Variants in PLA2G6 observed in about 807,000 individuals in gnomAD.
The protein encoded by PLA2G6 is 85/88 kDa calcium-independent phospholipase A2.
In PLA2G6, 62 loss-of-function variants were observed where a neutral mutation model predicts 83.8. The ratio of observed to expected loss-of-function variants is 0.74; its 90% CI spans 0.60 to 0.91. PLA2G6 has a LOEUF of 0.91. Ranked by LOEUF, PLA2G6 falls within the 40% of genes least tolerant of loss-of-function variation. The pLI, the probability that PLA2G6 is intolerant of heterozygous loss-of-function variation, is 0.00. For synonymous variants in PLA2G6, 417 were observed against 449.8 expected, an observed-to-expected ratio of 0.93 and a Z score of 0.92; for missense variants, 944 against 1,102.0, an observed-to-expected ratio of 0.86 and a Z score of 2.03.
At chr22:38,178,130 C>A (rs552003535) in intron 1 of PLA2G6, among the ~76,000 whole-genome samples, 13 of 152,262 alleles carry the variant, frequency 8.5e-5, no homozygotes, top group South Asian at 2.1e-4. Context: ...CACTGGAGCT[C>A]CCAAGCACAT....
At chr22:38,143,786 C>T (rs980959262) in intron 3 of PLA2G6, 1 of 287,940 alleles carries the variant, frequency 3.5e-6, no homozygotes. Context: ...TCTTGTTGCC[C>T]AGGCTGTAAT....
At chr22:38,151,147 A>ATAAGGT (rs2089539111) in intron 2 of PLA2G6, among the ~76,000 whole-genome samples, 2 of 152,234 alleles carry the variant, frequency 1.3e-5, no homozygotes, top group Admixed American at 6.5e-5. Context: ...ACCTTCAAGA[A>ATAAGGT]TAAGGTTAAA....
intron 6 of PLA2G6, chr22:38,133,432 G>C (rs542912560): frequency 4.5e-6 from 1 of 220,204 alleles, no homozygotes; most frequent in African/African-American, 2.3e-5. Flanking sequence ...AGGGGAGCCT[G>C]GCTTTGGAGT....
chr22:38,122,113 C>T lies in PLA2G6; in HGVS notation c.1591+982G>A, dbSNP rs954756577. Reference sequence around the variant, plus strand: ...CAGCACCTCCTGGACTGGCTGAGCCCCCTGCTCCTGAGGCTGGGGTATGCC... The same window carrying T: ...CAGCACCTCCTGGACTGGCTGAGCCTCCTGCTCCTGAGGCTGGGGTATGCC... On this transcript the variant is annotated intron_variant, in intron 11 of 16. Transcript: ENST00000332509. Among the ~76,000 whole-genome samples, 17 of 152,198 alleles carry T rather than the reference C, an allele frequency of 1.1e-4. No homozygotes were observed. In the East Asian group the frequency reaches 3.1e-3, roughly 28 times the overall value.
chr22:38,121,673 G>C (rs960226696), intron 11 of PLA2G6, among the ~76,000 whole-genome samples: 10 of 152,210 alleles, frequency 6.6e-5, no homozygotes, highest in Non-Finnish European at 1.0e-4. Flanking sequence ...CGGAGGATCA[G>C]CCAGGAGACC....
At position 38,128,501 on chromosome 22, in the gene PLA2G6, C is replaced by T. The variant is rs1259669771; in HGVS notation, c.1187-71G>A. The T allele has an allele frequency of 2.0e-6, 3 of 1,519,620 alleles. No individual in the cohort carries two copies. Among genetic ancestry groups the T allele is most frequent in the African/African-American group, 2.7e-5 (2 of 72,820 alleles). The allele number at this position is 1,519,620 out of a possible 1,614,324, so 94.1% of individuals were successfully genotyped here. On this transcript the variant is annotated intron_variant, in intron 8 of 16. Transcript: ENST00000332509. The surrounding 1 kb of genome is among the most constrained non-coding windows in gnomAD (Gnocchi z 4.4). ...ATGTCAACATGCAAAGGAGAGGCCC[C>T]TCCTTTCCACACTCCGTCCCCTGTC...
Position 38,145,637 on chromosome 22 carries a change from A to C in PLA2G6, c.226T>G (p.Leu76Val), listed in dbSNP as rs201134327. 1 of 1,612,096 alleles carries C rather than the reference A, an allele frequency of 6.2e-7. No individual in the cohort carries two copies. Among genetic ancestry groups the C allele is most frequent in the Admixed American group, 1.7e-5 (1 of 59,770 alleles). The change falls in exon 3 of 17, where the codon TTG becomes GTG. Residue 76 changes from leucine to valine, a missense_variant. Coordinates refer to ENST00000332509, the MANE Select transcript of PLA2G6 (RefSeq NM_003560.4). The stretch of plus-strand genomic sequence containing the variant: ...AAATTCACTAGGGCGTCAGCCTCCA[A>C]CTCCAGCTGGAAGAGTCTGTAGAGC... ...QSGFRLFQLE[L>V]EADALVNFHQ...
At chr22:38,158,467 C>T (rs563683580) in intron 2 of PLA2G6, among the ~76,000 whole-genome samples, 19 of 152,252 alleles carry the variant, frequency 1.2e-4, no homozygotes, top group East Asian at 1.9e-4. Context: ...CACTGCAACC[C>T]GCCACGTCAA....
intron 2 of PLA2G6, among the ~76,000 whole-genome samples, chr22:38,162,208 CAAAAAAAAAAAAAAGA>C (rs1421426324): frequency 1.3e-3 from 96 of 74,534 alleles, no homozygotes; most frequent in Non-Finnish European, 1.6e-3. Context: ...GACTCTGTGT[CAAAAAAAAAAAAAAGA>C]AAAAAAAAAA....
In PLA2G6 at chr22:38,129,530, G is replaced by A. The variant is rs767889564; in HGVS notation, c.1110C>T (p.Ile370=). ...GGGTGTCCACTTCTGCTCCGAACAC[G>A]ATGAGGGCCTTGATCATCTCCACGT... ...KDNVEMIKAL[I]VFGAEVDTPN... Residue 370 remains isoleucine, a synonymous_variant, in exon 8 of 17, where the codon ATC becomes ATT. Coordinates refer to ENST00000332509, the MANE Select transcript of PLA2G6 (RefSeq NM_003560.4). 41 of 1,613,726 alleles carry A rather than the reference G, an allele frequency of 2.5e-5. No individual in the cohort carries two copies. The highest frequency in any genetic ancestry group is 1.1e-4 in the African/African-American group (8 of 74,926).
intron 8 of PLA2G6, among the ~76,000 whole-genome samples, chr22:38,129,125 A>G (rs2088050350): frequency 6.6e-6 from 1 of 152,256 alleles, no homozygotes. Context: ...TGGTTCCATC[A>G]GTGAATTCCC....
At chr22:38,115,444 G>A (rs1342952628) in intron 14 of PLA2G6, 83 bp downstream of exon 14, 2 of 1,305,872 alleles carry the variant, frequency 1.5e-6, no homozygotes, top group Non-Finnish European at 2.2e-6. Flanking sequence ...GCTGTCCTGG[G>A]GGTCGGTCCC....
At chr22:38,124,851 G>T (rs925517951) in intron 10 of PLA2G6, among the ~76,000 whole-genome samples, 1 of 152,024 alleles carries the variant, frequency 6.6e-6, no homozygotes, top group African/African-American at 2.4e-5. Flanking sequence ...GCAGGGGAGA[G>T]ACTACACTGT....
intron 6 of PLA2G6, chr22:38,133,732 TC>T (rs2088367018): frequency 6.6e-6 from 1 of 152,462 alleles, no homozygotes. Flanking sequence ...AAGCTGTGCT[TC>T]CTGGTGATGA....
rs1396626279 is a variant in PLA2G6 at position 38,125,895 on chromosome 22, G to A, written c.1427+476C>T. 3.3e-5 allele frequency among the ~76,000 whole-genome samples: 5 copies of A among 152,208 alleles called. No individual in the cohort carries two copies. The South Asian group carries it at 6.2e-4, about 19-fold the overall frequency. ...TATGCCTGAAGGGCAAGGCCTGGGC[G>A]TCTTCTCTTTGCATCCTGTCACCCA... is the stretch of plus-strand genomic sequence containing the variant. On this transcript the variant is annotated intron_variant, in intron 10 of 16. Transcript: ENST00000332509.
In PLA2G6 at chr22:38,169,470, G is replaced by A. The variant is rs1210810981; in HGVS notation, c.-44C>T. The A allele has an allele frequency of 3.9e-6, 6 of 1,555,886 alleles. No individual in the cohort carries two copies. In the African/African-American group the frequency reaches 8.1e-5, roughly 21 times the overall value. On this transcript the variant is annotated splice_region_variant and 5_prime_UTR_variant, in exon 2 of 17. Coordinates refer to ENST00000332509, the MANE Select transcript of PLA2G6 (RefSeq NM_003560.4). ...GGAGGCCCCACCGTCTTCCCCCTCT[G>A]TCTGGAAGAAAACGAGGTCTCTGGT...
intron 1 of PLA2G6, among the ~76,000 whole-genome samples, chr22:38,179,854 G>GT (rs2090777499): frequency 6.6e-6 from 1 of 152,064 alleles, no homozygotes. Context: ...CTAGATTTGA[G>GT]TATGTCATTC....
chr22:38,112,883 T>G, intron 15 of PLA2G6: 1 of 513,608 alleles, frequency 1.9e-6, no homozygotes, highest in Non-Finnish European at 3.4e-6. Flanking sequence ...TTTCCCTCCC[T>G]CCCTCCTCTC....
chr22:38,139,411 T>TAATTTA (rs1486078851), intron 5 of PLA2G6: 5 of 105,272 alleles, frequency 4.7e-5, no homozygotes, highest in Admixed American at 1.0e-4. Flanking sequence ...TTAAATAAAT[T>TAATTTA]TATTTTTATT....
Sources: gnomAD v4.1 joint callset for allele counts (sites outside exome capture counted in the v4.1 genomes callset) on GRCh38, gnomAD v4.1.1 for gene constraint, Gnocchi (gnomAD v3.1) non-coding constraint, MANE v1.5 for transcripts, NCBI Gene and HGNC (gene_info 2026-07-23, HGNC 2026-07-21) for gene names.